Variants in SIN3B observed in about 807,000 individuals in gnomAD.
SIN3B encodes SIN3 transcription regulator family member B.
In SIN3B, 19 loss-of-function variants were observed where a neutral mutation model predicts 120.2. The observed-to-expected ratio is 0.16, with a 90% CI of 0.11 to 0.23. The LOEUF (loss-of-function observed/expected upper bound fraction) is 0.23, where lower values mean the gene tolerates loss of function less well. SIN3B is among the 10% of genes least tolerant of loss of function. SIN3B has a pLI of 1.00. For synonymous variants in SIN3B, 654 were observed against 653.2 expected, an observed-to-expected ratio of 1.00 and a Z score of -0.02; for missense variants, 1,073 against 1,573.0, an observed-to-expected ratio of 0.68 and a Z score of 5.38.
At chr19:16,860,485 A>G (rs1971672114) in intron 8 of SIN3B, among the ~76,000 whole-genome samples, 1 of 152,034 alleles carries the variant, frequency 6.6e-6, no homozygotes, top group African/African-American at 2.4e-5. Context: ...GGGTTCTTAA[A>G]TACGGGGAAC....
At chr19:16,853,590 CTGCATGGACACA>C (rs1308925543) in intron 7 of SIN3B, among the ~76,000 whole-genome samples, 2 of 151,854 alleles carry the variant, frequency 1.3e-5, no homozygotes, top group African/African-American at 2.4e-5. Context: ...GTGTGAATTG[CTGCATGGACACA>C]TGCATGGACT....
chr19:16,867,965 TC>T (rs1232219142), intron 12 of SIN3B, among the ~76,000 whole-genome samples: 6 of 152,188 alleles, frequency 3.9e-5, no homozygotes. Flanking sequence ...GACCCTGAGT[TC>T]CTGGATCCCT....
chr19:16,847,038 G>A lies in SIN3B; in HGVS notation c.651G>A (p.Val217=). The change falls in exon 5 of 19, where the codon GTG becomes GTA. Residue 217 remains valine (V), a synonymous_variant. Coordinates refer to ENST00000248054, the MANE Select transcript of SIN3B (RefSeq NM_001297595.2). ...GMSEEEVFTE[V]ANLFRGQEDL... is the part of the protein sequence containing the mutation. The stretch of plus-strand genomic sequence containing the variant: ...CTGAAGAGGAGGTGTTCACCGAGGT[G>A]GCCAACCTCTTCCGGGGCCAGGAGG... 1.2e-6 allele frequency: 2 copies of A among 1,614,184 alleles called. No homozygotes were observed. The highest frequency in any genetic ancestry group is 1.7e-6 in the Non-Finnish European group (2 of 1,180,000).
At chr19:16,843,234 A>C (rs536250628) in intron 4 of SIN3B, among the ~76,000 whole-genome samples, 1 of 152,310 alleles carries the variant, frequency 6.6e-6, no homozygotes, top group African/African-American at 2.4e-5. Flanking sequence ...AGCAGCTGGG[A>C]CTACAGGCAT....
In SIN3B at chr19:16,876,682, C is replaced by A. The variant is rs979951370; in HGVS notation, c.2859+104C>A. ...GCGCAGGCCGCGCAGCATCCAGAGA[C>A]CCTCCCTCTGCAGGCCACAGGCTCT... On this transcript the variant is annotated intron_variant, in intron 16 of 18. Coordinates refer to ENST00000248054, the MANE Select transcript of SIN3B (RefSeq NM_001297595.2). The surrounding 1 kb of genome is among the most constrained non-coding windows in gnomAD (Gnocchi z 7.1). The A allele has an allele frequency of 2.1e-5, 18 of 875,414 alleles. No homozygotes were observed. The highest frequency in any genetic ancestry group is 3.0e-5 in the Non-Finnish European group (17 of 560,646). The allele number at this position is 875,414 out of a possible 1,614,324, so 54.2% of individuals were successfully genotyped here. A position where few individuals can be genotyped will look rare whatever the true frequency, so the allele number is the denominator to read the frequency against.
At chr19:16,837,128 G>T (rs200354479) in intron 3 of SIN3B, among the ~76,000 whole-genome samples, 1 of 152,110 alleles carries the variant, frequency 6.6e-6, no homozygotes, top group Admixed American at 6.5e-5. Flanking sequence ...ACTGTTCCTG[G>T]TGGGGAGTGA....
At chr19:16,838,309 C>T (rs1971373355) in intron 3 of SIN3B, among the ~76,000 whole-genome samples, 1 of 152,162 alleles carries the variant, frequency 6.6e-6, no homozygotes. Context: ...ACATTAACAT[C>T]ACCCCAGGAT....
At chr19:16,842,220 G>A (rs558459679) in intron 4 of SIN3B, among the ~76,000 whole-genome samples, 13 of 146,188 alleles carry the variant, frequency 8.9e-5, no homozygotes, top group Admixed American at 2.7e-4. Flanking sequence ...CCCAAGTAGC[G>A]GAGGCTACTT....
In SIN3B at chr19:16,851,441, C is replaced by T. The variant is rs1971543709; in HGVS notation, c.756C>T (p.His252=). 1 of 1,607,824 alleles carries T rather than the reference C, an allele frequency of 6.2e-7. No individual in the cohort carries two copies. Among genetic ancestry groups the T allele is most frequent in the Non-Finnish European group, 8.5e-7 (1 of 1,177,342 alleles). ...LFTGNGPCEM[H]SVQKNEHDKT... Reference sequence around the variant, plus strand: ...CAGGAAACGGGCCGTGCGAGATGCACAGCGTGCAGAAGAACGAGCACGACA... The same window carrying T: ...CAGGAAACGGGCCGTGCGAGATGCATAGCGTGCAGAAGAACGAGCACGACA... The change falls in exon 6 of 19, where the codon CAC becomes CAT. Residue 252 remains histidine (H), a synonymous_variant. Coordinates refer to ENST00000248054, the MANE Select transcript of SIN3B (RefSeq NM_001297595.2).
intron 6 of SIN3B, among the ~76,000 whole-genome samples, chr19:16,852,291 G>A (rs990165977): frequency 6.6e-6 from 1 of 151,882 alleles, no homozygotes; most frequent in African/African-American, 2.4e-5. Flanking sequence ...TTTCTCCTGT[G>A]GGGGGATGGG....
At chr19:16,838,193 T>A (rs1171139560) in intron 3 of SIN3B, among the ~76,000 whole-genome samples, 1 of 152,148 alleles carries the variant, frequency 6.6e-6, no homozygotes, top group East Asian at 1.9e-4. Context: ...ATTAAATTTT[T>A]AAAAATGTTT....
Position 16,877,475 on chromosome 19 carries a change from G to A in SIN3B, c.2860-70G>A. On this transcript the variant is annotated intron_variant, in intron 16 of 18. Transcript: ENST00000248054. Reference sequence around the variant, plus strand: ...GAACCCCTGTGAGCTCCTGAACTCAGAGTCCAGAGTAAGAGTGGCCATAGC... The same window carrying A: ...GAACCCCTGTGAGCTCCTGAACTCAAAGTCCAGAGTAAGAGTGGCCATAGC... 4 of 1,170,538 alleles carry A rather than the reference G, an allele frequency of 3.4e-6. No individual in the cohort carries two copies. In the South Asian group the frequency reaches 5.3e-5, roughly 16 times the overall value. 72.5% of individuals were successfully genotyped at this position (1,170,538 alleles called of 1,614,324 possible). A position where few individuals can be genotyped will look rare whatever the true frequency, so the allele number is the denominator to read the frequency against.
chr19:16,871,780 G>A (rs769548552), intron 14 of SIN3B: 11 of 185,872 alleles, frequency 5.9e-5, no homozygotes, highest in African/African-American at 1.2e-4. Context: ...ACTCCATTGC[G>A]TGGGTAGCTA....
Position 16,870,059 on chromosome 19 carries a change from G to A in SIN3B, c.2406G>A (p.Leu802=), listed in dbSNP as rs2051488944. The part of the protein sequence containing the change: ...REKGSDPAME[L]RLKQPSEVEL... ...AGGGCAGCGACCCCGCCATGGAGCT[G>A]CGGCTGAAGCAGCCCAGTAAGGCTC... The change falls in exon 13 of 19, where the codon CTG becomes CTA. Residue 802 remains leucine, a synonymous_variant. Coordinates refer to ENST00000248054, the MANE Select transcript of SIN3B (RefSeq NM_001297595.2). The A allele has an allele frequency of 4.4e-6, 7 of 1,602,338 alleles. No individual in the cohort carries two copies. The highest frequency in any genetic ancestry group is 6.0e-6 in the Non-Finnish European group (7 of 1,174,186).
chr19:16,832,021 C>G (rs1971284866), intron 3 of SIN3B, among the ~76,000 whole-genome samples: 1 of 152,200 alleles, frequency 6.6e-6, no homozygotes. Context: ...TCCTCGTCTG[C>G]CTCTGATCAC....
intron 12 of SIN3B, among the ~76,000 whole-genome samples, chr19:16,868,469 C>T (rs905942527): frequency 2.6e-5 from 4 of 152,212 alleles, no homozygotes; most frequent in African/African-American, 9.6e-5. Context: ...CCCTGGGTGC[C>T]AGGACAGTGG....
chr19:16,875,153 G>A (rs1007588979), intron 14 of SIN3B, among the ~76,000 whole-genome samples: 3 of 144,822 alleles, frequency 2.1e-5, no homozygotes, highest in African/African-American at 7.8e-5. Context: ...GTTTTGGTCT[G>A]GTTTGGGTCT....
chr19:16,870,846 G>A (rs945910899), intron 13 of SIN3B, among the ~76,000 whole-genome samples: 1 of 152,048 alleles, frequency 6.6e-6, no homozygotes, highest in Non-Finnish European at 1.5e-5. Context: ...GAGCCACCGC[G>A]CCCAGCCCAA....
chr19:16,875,203 G>A (rs2051575337), intron 14 of SIN3B, among the ~76,000 whole-genome samples: 1 of 139,142 alleles, frequency 7.2e-6, no homozygotes, highest in East Asian at 2.4e-4. Flanking sequence ...GGTCTGGTCT[G>A]GTCTGTCTGG....
Sources: gnomAD v4.1 joint callset for allele counts (sites outside exome capture counted in the v4.1 genomes callset) on GRCh38, gnomAD v4.1.1 for gene constraint, Gnocchi (gnomAD v3.1) non-coding constraint, MANE v1.5 for transcripts, NCBI Gene and HGNC (gene_info 2026-07-23, HGNC 2026-07-21) for gene names.